RUNX2: variants seen among roughly 807,000 people sequenced by gnomAD.
The protein encoded by RUNX2 is runt-related transcription factor 2.
In RUNX2, 10 loss-of-function variants were observed where a neutral mutation model predicts 51.7. The ratio of observed to expected loss-of-function variants is 0.19; its 90% CI spans 0.12 to 0.33. The LOEUF (loss-of-function observed/expected upper bound fraction) is 0.33, where lower values mean the gene tolerates loss of function less well. RUNX2 is among the 10% of genes least tolerant of loss of function. The pLI, the probability that RUNX2 is intolerant of heterozygous loss-of-function variation, is 1.00. For synonymous variants in RUNX2, 276 were observed against 273.6 expected (o/e 1.01, Z -0.09); for missense variants, 562 against 691.3 (o/e 0.81, Z 2.10).
chr6:45,393,102 T>A (rs568557860), intron 2 of RUNX2, among the ~76,000 whole-genome samples: 1 of 152,334 alleles, frequency 6.6e-6, no homozygotes, highest in South Asian at 2.1e-4. Flanking sequence ...CACATGGCAT[T>A]CTTTTTTTCT....
chr6:45,460,488 T>C (rs1799444833), intron 5 of RUNX2, among the ~76,000 whole-genome samples: 1 of 152,116 alleles, frequency 6.6e-6, no homozygotes, highest in African/African-American at 2.4e-5. Context: ...GTGAGTACAA[T>C]GAATTTAGAA....
chr6:45,444,043 A>G (rs143073147), intron 5 of RUNX2, among the ~76,000 whole-genome samples: 1,696 of 152,100 alleles, frequency 0.011, 11 homozygotes, highest in Non-Finnish European at 0.019. Flanking sequence ...TAGAGACGGG[A>G]TTTTGCCATG....
At chr6:45,498,228 G>T (rs1296427960) in intron 6 of RUNX2, among the ~76,000 whole-genome samples, 2 of 152,134 alleles carry the variant, frequency 1.3e-5, no homozygotes, top group Non-Finnish European at 2.9e-5. Context: ...CATTTATTCA[G>T]TTCTTTACCA....
chr6:45,393,088 C>T (rs1266733229), intron 2 of RUNX2, among the ~76,000 whole-genome samples: 2 of 152,104 alleles, frequency 1.3e-5, no homozygotes, highest in Admixed American at 6.6e-5. Flanking sequence ...TACCCATTTG[C>T]TCTCACATGG....
intron 2 of RUNX2, among the ~76,000 whole-genome samples, chr6:45,409,007 A>G (rs536811750): frequency 1.3e-5 from 2 of 152,220 alleles, no homozygotes; most frequent in African/African-American, 2.4e-5. Context: ...ATTCCTCCCA[A>G]CTGAAATTAA....
At chr6:45,385,239 G>C (rs9472480) in intron 2 of RUNX2, among the ~76,000 whole-genome samples, 1 of 152,190 alleles carries the variant, frequency 6.6e-6, no homozygotes, top group Non-Finnish European at 1.5e-5. Context: ...TGTCAGCTGA[G>C]ATCTCCCTGG....
chr6:45,468,469 T>G (rs1211106005), intron 5 of RUNX2, among the ~76,000 whole-genome samples: 3 of 152,200 alleles, frequency 2.0e-5, no homozygotes, highest in Non-Finnish European at 2.9e-5. Flanking sequence ...TTGATGCAGG[T>G]GCATATTAGT....
intron 7 of RUNX2, among the ~76,000 whole-genome samples, chr6:45,519,812 G>A (rs1335795680): frequency 1.1e-3 from 160 of 145,764 alleles, no homozygotes; most frequent in African/African-American, 3.7e-3. Flanking sequence ...GTGTGTGTGT[G>A]TGTGTGTGTG....
chr6:45,340,876 T>C (rs1387538659), intron 2 of RUNX2, among the ~76,000 whole-genome samples: 1 of 152,094 alleles, frequency 6.6e-6, no homozygotes, highest in Non-Finnish European at 1.5e-5. Context: ...CAAATCCTAC[T>C]TCCTATATTT....
intron 7 of RUNX2, among the ~76,000 whole-genome samples, chr6:45,519,484 A>G (rs1801432491): frequency 6.6e-6 from 1 of 152,134 alleles, no homozygotes; most frequent in Non-Finnish European, 1.5e-5. Context: ...CCATTACAGA[A>G]TCATAAGGAG....
intron 6 of RUNX2, among the ~76,000 whole-genome samples, chr6:45,508,992 A>C (rs1377580683): frequency 6.6e-6 from 1 of 152,164 alleles, no homozygotes; most frequent in Non-Finnish European, 1.5e-5. Context: ...ACATGAGACA[A>C]ACCCAGCTAC....
At chr6:45,373,397 T>C (rs147995677) in intron 2 of RUNX2, among the ~76,000 whole-genome samples, 177 of 152,258 alleles carry the variant, frequency 1.2e-3, no homozygotes, top group African/African-American at 4.0e-3. Context: ...TGGGAATATG[T>C]TTGGATAAAT....
intron 2 of RUNX2, among the ~76,000 whole-genome samples, chr6:45,370,622 T>C (rs761058372): frequency 5.1e-4 from 77 of 152,310 alleles, no homozygotes; most frequent in Non-Finnish European, 1.1e-3. Context: ...CTGTCAGGAA[T>C]AATTTATCTC....
intron 5 of RUNX2, among the ~76,000 whole-genome samples, chr6:45,477,584 CCTTA>C (rs1473890569): frequency 1.3e-5 from 2 of 152,186 alleles, no homozygotes; most frequent in African/African-American, 4.8e-5. Flanking sequence ...ACCTTCTCTG[CCTTA>C]CTTCTGACAT....
chr6:45,530,426 C>G (rs910196537), intron 7 of RUNX2, among the ~76,000 whole-genome samples: 2 of 152,184 alleles, frequency 1.3e-5, no homozygotes, highest in Non-Finnish European at 1.5e-5. Flanking sequence ...CAGGTTAACA[C>G]TGAGGGAAAC....
intron 2 of RUNX2, among the ~76,000 whole-genome samples, chr6:45,342,851 A>T (rs908643125): frequency 1.3e-5 from 2 of 152,196 alleles, no homozygotes; most frequent in Non-Finnish European, 2.9e-5. Flanking sequence ...AAGTCCTCCA[A>T]TTACAAGATA....
chr6:45,365,289 C>T (rs2150276421), intron 2 of RUNX2: 1 of 1,608,870 alleles, frequency 6.2e-7, no homozygotes, highest in East Asian at 2.2e-5. Context: ...GGACTAGCTG[C>T]CGTATTATTC....
At chr6:45,402,754 C>T (rs960416444) in intron 2 of RUNX2, among the ~76,000 whole-genome samples, 1 of 152,020 alleles carries the variant, frequency 6.6e-6, no homozygotes, top group African/African-American at 2.4e-5. Context: ...CTCCTGTGGT[C>T]CCAGCAACTT....
At chr6:45,390,692 G>T (rs9472482) in intron 2 of RUNX2, among the ~76,000 whole-genome samples, 11,727 of 151,998 alleles carry the variant, frequency 0.077, 583 homozygotes, top group African/African-American at 0.15. Flanking sequence ...TAATTGAAAA[G>T]AATTTTGGTT....
Sources: allele counts gnomAD v4.1 joint callset (sites outside exome capture counted in the v4.1 genomes callset), GRCh38; gene constraint gnomAD v4.1.1; transcripts MANE v1.5; gene names NCBI Gene and HGNC (gene_info 2026-07-23, HGNC 2026-07-21).